The following MEIS2 variants were observed in gnomAD, a reference collection of about 807,000 sequenced individuals.
MEIS2 encodes the protein Meis homeobox 2, also known as homeobox protein Meis2.
MEIS2 carries 9 observed loss-of-function variants against 58.6 expected under a neutral mutation model. That is an observed-to-expected ratio of 0.15 (90% CI 0.09 to 0.27). MEIS2 has a LOEUF of 0.27. Ranked by LOEUF, MEIS2 falls within the 10% of genes least tolerant of loss-of-function variation. The pLI, the probability that MEIS2 is intolerant of heterozygous loss-of-function variation, is 1.00. For synonymous variants in MEIS2, 221 were observed against 228.4 expected (o/e 0.97, Z 0.29); for missense variants, 427 against 635.0 (o/e 0.67, Z 3.52).
At position 36,960,566 on chromosome 15, in the gene MEIS2, C is replaced by A. The variant is rs77551004; in HGVS notation, c.901-10166G>T. Among the ~76,000 whole-genome samples, 1,073 of 152,080 alleles carry A rather than the reference C, an allele frequency of 7.1e-3. 43 individuals are homozygous for A. The highest frequency in any genetic ancestry group is 0.055 in the Admixed American group (836 of 15,258). On this transcript the variant is annotated intron_variant, in intron 8 of 11. Coordinates refer to ENST00000561208, the MANE Select transcript of MEIS2 (RefSeq NM_170675.5). ...TTAAAGTTCACCAAGACAGAAAACT[C>A]TAAGGTATAAAACAACAGCATTAGG...
chr15:36,909,454 G>A (rs538743575), intron 9 of MEIS2, among the ~76,000 whole-genome samples: 1 of 152,138 alleles, frequency 6.6e-6, no homozygotes, highest in Non-Finnish European at 1.5e-5. Flanking sequence ...TTAGAATTGA[G>A]AATAAAAGAG....
intron 9 of MEIS2, among the ~76,000 whole-genome samples, chr15:36,914,845 A>C (rs1226104754): frequency 2.0e-5 from 3 of 152,122 alleles, no homozygotes; most frequent in Non-Finnish European, 4.4e-5. Context: ...AGCATTAAAA[A>C]ACCCCACAAA....
chr15:37,013,644 T>C (rs1170646670), intron 8 of MEIS2, among the ~76,000 whole-genome samples: 3 of 149,592 alleles, frequency 2.0e-5, no homozygotes, highest in African/African-American at 7.3e-5. Context: ...ATATATATTC[T>C]AGGAGGAACT....
intron 6 of MEIS2, among the ~76,000 whole-genome samples, chr15:37,091,922 A>T (rs1178324402): frequency 6.6e-6 from 1 of 152,244 alleles, no homozygotes; most frequent in Non-Finnish European, 1.5e-5. Context: ...AAATATAAAT[A>T]TAGAAACAGA....
chr15:36,989,377 A>G (rs1048062264), intron 8 of MEIS2, among the ~76,000 whole-genome samples: 3 of 152,194 alleles, frequency 2.0e-5, no homozygotes, highest in African/African-American at 7.2e-5. Flanking sequence ...TATGCTCATG[A>G]CAGTATTCGC....
At chr15:36,975,097 T>C (rs1474576877) in intron 8 of MEIS2, among the ~76,000 whole-genome samples, 6 of 152,208 alleles carry the variant, frequency 3.9e-5, no homozygotes, top group Non-Finnish European at 7.3e-5. Flanking sequence ...TACTTATCAC[T>C]TTCTGTTTTC....
chr15:36,990,028 T>G (rs1252879503), intron 8 of MEIS2, among the ~76,000 whole-genome samples: 2 of 152,148 alleles, frequency 1.3e-5, no homozygotes, highest in African/African-American at 4.8e-5. Flanking sequence ...AACTGCAAGC[T>G]CCGCCTCCCG....
At chr15:37,016,653 T>C (rs74786471) in intron 8 of MEIS2, among the ~76,000 whole-genome samples, 19,359 of 152,208 alleles carry the variant, frequency 0.13, 1,262 homozygotes, top group East Asian at 0.21. Flanking sequence ...CCTACTATTA[T>C]GCATATAATA....
intron 8 of MEIS2, among the ~76,000 whole-genome samples, chr15:36,974,597 G>A (rs1014804056): frequency 6.6e-6 from 1 of 152,160 alleles, no homozygotes; most frequent in Admixed American, 6.5e-5. Context: ...CTGCCCCTCA[G>A]CCCACCTTAT....
At chr15:37,078,605 C>CAAAAAAAAAAAAAAAAA (rs540405090) in intron 7 of MEIS2, among the ~76,000 whole-genome samples, 5 of 69,416 alleles carry the variant, frequency 7.2e-5, no homozygotes, top group African/African-American at 1.8e-4. Context: ...AAAAAACAAC[C>CAAAAAAAAAAAAAAAAA]AAAAAAAAAA....
chr15:36,895,477 C>T lies in MEIS2; in HGVS notation c.1037-216G>A, dbSNP rs138001472. On this transcript the variant is annotated intron_variant, in intron 10 of 11. Coordinates refer to ENST00000561208, the MANE Select transcript of MEIS2 (RefSeq NM_170675.5). The stretch of plus-strand genomic sequence containing the variant: ...GAAGAAAGACTTCACTGGCCAGTTT[C>T]CCAGGGGGTTCGTCCTCTGCAGCCC... Among the ~76,000 whole-genome samples, 7 of 152,210 alleles carry T rather than the reference C, an allele frequency of 4.6e-5. No homozygotes were observed. In the East Asian group the frequency reaches 1.4e-3, roughly 29 times the overall value.
intron 9 of MEIS2, among the ~76,000 whole-genome samples, chr15:36,950,104 A>C (rs1403713227): frequency 2.6e-5 from 4 of 151,976 alleles, no homozygotes; most frequent in African/African-American, 9.7e-5. Flanking sequence ...GAAAAGAAAG[A>C]GGGAGAGAGA....
At chr15:37,070,515 T>C (rs1036526159) in intron 7 of MEIS2, among the ~76,000 whole-genome samples, 2 of 152,176 alleles carry the variant, frequency 1.3e-5, no homozygotes, top group African/African-American at 4.8e-5. Context: ...GAAATGCATA[T>C]TAGCAAATTA....
chr15:37,074,919 T>C (rs1027001327), intron 7 of MEIS2, among the ~76,000 whole-genome samples: 2 of 152,058 alleles, frequency 1.3e-5, no homozygotes, highest in African/African-American at 4.8e-5. Flanking sequence ...TACAAGGTTT[T>C]GCTTGCATCA....
At chr15:37,023,911 CTTTTTTTTTTT>C (rs35244111) in intron 8 of MEIS2, among the ~76,000 whole-genome samples, 3 of 101,538 alleles carry the variant, frequency 3.0e-5, no homozygotes, top group African/African-American at 1.2e-4. Context: ...TTTTCTCTCT[CTTTTTTTTTTT>C]TTTTTTTTTT....
chr15:36,920,499 A>T (rs975825941), intron 9 of MEIS2, among the ~76,000 whole-genome samples: 1 of 152,182 alleles, frequency 6.6e-6, no homozygotes, highest in African/African-American at 2.4e-5. Flanking sequence ...ATTCTTAGAG[A>T]TCTTAGAAGG....
chr15:37,046,839 ATAT>A (rs2062694913), intron 7 of MEIS2, among the ~76,000 whole-genome samples: 11 of 950 alleles, frequency 0.012, no homozygotes, highest in Non-Finnish European at 0.023. Flanking sequence ...TTTAAAAAAT[ATAT>A]ATATATATAT....
intron 8 of MEIS2, among the ~76,000 whole-genome samples, chr15:36,991,679 A>G (rs2141554905): frequency 6.6e-6 from 1 of 152,016 alleles, no homozygotes; most frequent in Non-Finnish European, 1.5e-5. Context: ...CATTAGAAAT[A>G]TAAGGCAAGT....
intron 9 of MEIS2, among the ~76,000 whole-genome samples, chr15:36,910,435 C>A (rs2141264049): frequency 6.6e-6 from 1 of 152,204 alleles, no homozygotes; most frequent in East Asian, 1.9e-4. Context: ...TATTACAGAT[C>A]TCCAAGAGAA....
Sources: gnomAD v4.1 joint callset for allele counts (sites outside exome capture counted in the v4.1 genomes callset) on GRCh38, gnomAD v4.1.1 for gene constraint, MANE v1.5 for transcripts, NCBI Gene and HGNC (gene_info 2026-07-23, HGNC 2026-07-21) for gene names.